The following NKAIN2 variants were observed in gnomAD, a reference collection of about 807,000 sequenced individuals.
The protein encoded by NKAIN2 is sodium/potassium transporting ATPase interacting 2.
NKAIN2 carries 14 observed loss-of-function variants against 32.6 expected under a neutral mutation model. That is an observed-to-expected ratio of 0.43 (90% confidence interval 0.28 to 0.67). NKAIN2 has a LOEUF of 0.67. Among genes scored for constraint, NKAIN2 ranks in the 30% least tolerant of loss-of-function variants. The pLI, the probability that NKAIN2 is intolerant of heterozygous loss-of-function variation, is 0.17. For missense variants in NKAIN2, 198 were observed against 258.3 expected (o/e 0.77, Z 1.60); for synonymous variants, 80 against 87.2 (o/e 0.92, Z 0.46).
At chr6:124,581,540 G>T (rs1207567006) in intron 3 of NKAIN2, among the ~76,000 whole-genome samples, 1 of 151,272 alleles carries the variant, frequency 6.6e-6, no homozygotes, top group East Asian at 1.9e-4. Context: ...AGTTCATCCA[G>T]TGGCTGCAGA....
At chr6:124,270,061 G>A (rs557478694) in intron 1 of NKAIN2, among the ~76,000 whole-genome samples, 1 of 152,284 alleles carries the variant, frequency 6.6e-6, no homozygotes, top group South Asian at 2.1e-4. Context: ...GCAGATGGGA[G>A]GGAAGGGAGA....
intron 4 of NKAIN2, among the ~76,000 whole-genome samples, chr6:124,690,162 C>T (rs745536604): frequency 1.3e-5 from 2 of 152,070 alleles, no homozygotes; most frequent in Admixed American, 6.6e-5. Flanking sequence ...AAATCTTGTA[C>T]ATATTTTGAT....
chr6:124,581,701 A>G (rs1216423587), intron 3 of NKAIN2, among the ~76,000 whole-genome samples: 1 of 152,154 alleles, frequency 6.6e-6, no homozygotes, highest in Non-Finnish European at 1.5e-5. Flanking sequence ...CAACAACAAG[A>G]GAAATTTTGG....
intron 1 of NKAIN2, among the ~76,000 whole-genome samples, chr6:123,938,272 G>T (rs918470001): frequency 6.6e-6 from 1 of 150,510 alleles, no homozygotes; most frequent in Admixed American, 6.7e-5. Flanking sequence ...AAGTTATTTT[G>T]ACTTCTTAGA....
intron 1 of NKAIN2, among the ~76,000 whole-genome samples, chr6:124,165,034 A>C (rs1045477128): frequency 6.6e-6 from 1 of 152,024 alleles, no homozygotes; most frequent in Admixed American, 6.6e-5. Context: ...ATTTCTTATT[A>C]ATTATAACTA....
intron 4 of NKAIN2, among the ~76,000 whole-genome samples, chr6:124,710,294 A>C (rs1583693696): frequency 6.6e-6 from 1 of 152,022 alleles, no homozygotes; most frequent in Non-Finnish European, 1.5e-5. Flanking sequence ...GTGCTGAAAA[A>C]ATGTATATTC....
At chr6:124,399,909 T>C (rs62436283) in intron 3 of NKAIN2, among the ~76,000 whole-genome samples, 3,669 of 152,318 alleles carry the variant, frequency 0.024, 98 homozygotes, top group Non-Finnish European at 0.034. Context: ...TTACTATTTC[T>C]ATGAATGAAT....
At chr6:124,447,584 A>C (rs1430158513) in intron 3 of NKAIN2, among the ~76,000 whole-genome samples, 3 of 152,152 alleles carry the variant, frequency 2.0e-5, no homozygotes, top group African/African-American at 7.2e-5. Context: ...CATTATGCAG[A>C]AGATGTAAAA....
chr6:124,106,188 T>C (rs1042219861), intron 1 of NKAIN2, among the ~76,000 whole-genome samples: 31 of 152,198 alleles, frequency 2.0e-4, no homozygotes, highest in African/African-American at 7.5e-4. Flanking sequence ...TAAATCAAGA[T>C]TCCATCTGAG....
At chr6:124,217,201 G>T (rs1454531747) in intron 1 of NKAIN2, among the ~76,000 whole-genome samples, 1 of 152,104 alleles carries the variant, frequency 6.6e-6, no homozygotes, top group Non-Finnish European at 1.5e-5. Flanking sequence ...CTTGAAAGTG[G>T]TGGCCTACAG....
chr6:124,123,567 A>G (rs943483805), intron 1 of NKAIN2, among the ~76,000 whole-genome samples: 1 of 152,132 alleles, frequency 6.6e-6, no homozygotes, highest in African/African-American at 2.4e-5. Flanking sequence ...AGCAATATCT[A>G]AGACTGTCAT....
At chr6:124,502,416 C>A (rs1778326572) in intron 3 of NKAIN2, among the ~76,000 whole-genome samples, 1 of 152,194 alleles carries the variant, frequency 6.6e-6, no homozygotes. Flanking sequence ...GAGTGTCCTG[C>A]AACCACTCAC....
intron 4 of NKAIN2, among the ~76,000 whole-genome samples, chr6:124,732,530 A>G (rs12663834): frequency 1.3e-5 from 2 of 151,946 alleles, no homozygotes; most frequent in East Asian, 3.9e-4. Flanking sequence ...AGCTAGGTTT[A>G]TATCATTACT....
At chr6:123,812,265 A>T (rs984165839) in intron 1 of NKAIN2, among the ~76,000 whole-genome samples, 3 of 152,214 alleles carry the variant, frequency 2.0e-5, no homozygotes, top group African/African-American at 2.4e-5. Context: ...CAGGCTAATG[A>T]TGCAGTCTAC....
At chr6:123,903,814 G>A (rs138460973) in intron 1 of NKAIN2, among the ~76,000 whole-genome samples, 1 of 151,964 alleles carries the variant, frequency 6.6e-6, no homozygotes, top group African/African-American at 2.4e-5. Flanking sequence ...CCCTGATTTA[G>A]TTACACTATC....
At chr6:124,805,522 T>G (rs996217638) in intron 5 of NKAIN2, among the ~76,000 whole-genome samples, 1 of 151,918 alleles carries the variant, frequency 6.6e-6, no homozygotes, top group Non-Finnish European at 1.5e-5. Context: ...CAAAAGTACA[T>G]AAAACCACAA....
chr6:124,297,684 A>T (rs1366375885), intron 2 of NKAIN2, among the ~76,000 whole-genome samples: 7 of 151,992 alleles, frequency 4.6e-5, no homozygotes. Context: ...AGAGCCTCAG[A>T]ACTGAGCTGT....
At chr6:124,451,015 A>C (rs1403302507) in intron 3 of NKAIN2, among the ~76,000 whole-genome samples, 1 of 152,142 alleles carries the variant, frequency 6.6e-6, no homozygotes, top group Non-Finnish European at 1.5e-5. Flanking sequence ...TGACTAAAAC[A>C]TGCATCAATG....
chr6:124,206,138 T>C (rs1790869567), intron 1 of NKAIN2, among the ~76,000 whole-genome samples: 1 of 151,942 alleles, frequency 6.6e-6, no homozygotes, highest in Non-Finnish European at 1.5e-5. Flanking sequence ...GAGCTCCTAC[T>C]TGTGAGTGTC....
Sources: gnomAD v4.1 joint callset for allele counts (sites outside exome capture counted in the v4.1 genomes callset) on GRCh38, gnomAD v4.1.1 for gene constraint, MANE v1.5 for transcripts, NCBI Gene and HGNC (gene_info 2026-07-23, HGNC 2026-07-21) for gene names.